The following RNF125 variants were observed in gnomAD, a reference collection of about 807,000 sequenced individuals.
The protein encoded by RNF125 is E3 ubiquitin-protein ligase RNF125.
A neutral mutation model predicts 26.0 loss-of-function variants in RNF125; 21 were observed. The observed-to-expected ratio is 0.81, with a 90% CI of 0.57 to 1.16. The LOEUF (loss-of-function observed/expected upper bound fraction) is 1.16. RNF125 is among the 50% of genes most tolerant of loss of function. RNF125 has a pLI of 0.00. For missense variants in RNF125, 270 were observed against 299.4 expected, an observed-to-expected ratio of 0.90 and a Z score of 0.72; for synonymous variants, 95 against 109.2, an observed-to-expected ratio of 0.87 and a Z score of 0.81.
intron 1 of RNF125, among the ~76,000 whole-genome samples, chr18:32,022,490 A>C (rs1037123359): frequency 5.9e-5 from 9 of 152,224 alleles, no homozygotes. Flanking sequence ...ATTAATGAGC[A>C]TATGGGCATG....
At position 32,072,042 on chromosome 18, in the gene RNF125, A is replaced by C. The variant is rs1473984792; in HGVS notation, c.*3658A>C. On this transcript the variant is annotated 3_prime_UTR_variant, in exon 6 of 6. Transcript: ENST00000217740. ...ATTTAAACAAAAACAAAAACAAACA[A>C]ACAAACAAACAAAAAGCTGGGCATG... 1 of 152,086 alleles carries C rather than the reference A, an allele frequency of 6.6e-6. No homozygotes were observed. Among genetic ancestry groups the C allele is most frequent in the Non-Finnish European group, 1.5e-5 (1 of 68,068 alleles). 9.4% of individuals were successfully genotyped at this position (152,086 alleles called of 1,614,324 possible).
intron 4 of RNF125, among the ~76,000 whole-genome samples, chr18:32,063,709 G>A (rs998755188): frequency 1.3e-5 from 2 of 152,096 alleles, no homozygotes; most frequent in African/African-American, 4.8e-5. Context: ...AGCAGACTGT[G>A]GGACATCCAT....
intron 4 of RNF125, among the ~76,000 whole-genome samples, chr18:32,060,988 C>T (rs990427979): frequency 1.4e-4 from 21 of 152,248 alleles, no homozygotes; most frequent in African/African-American, 3.8e-4. Flanking sequence ...AGTGAGATCC[C>T]GTTTCAAAAA....
At chr18:32,056,686 G>C (rs1457134420) in intron 4 of RNF125, among the ~76,000 whole-genome samples, 1 of 146,852 alleles carries the variant, frequency 6.8e-6, no homozygotes, top group African/African-American at 2.5e-5. Context: ...ATAAAAAAGA[G>C]CAAAACTCCA....
In RNF125 at chr18:32,020,002, CTGTGTGTGTGTG is replaced by C. The variant is rs149126113; in HGVS notation, c.164+995_164+1006del. Among the ~76,000 whole-genome samples, 20 of 150,008 alleles carry C rather than the reference CTGTGTGTGTGTG, an allele frequency of 1.3e-4. No homozygotes were observed. The East Asian group carries it at 3.4e-3, about 25-fold the overall frequency. The stretch of plus-strand genomic sequence containing the variant: ...GCTGTGAATTTGTGCTCTCTGTTTA[CTGTGTGTGTGTG>C]TGTGTGTGTGTGTGTGTGTTTGAGA... On this transcript the variant is annotated intron_variant, in intron 1 of 5. Coordinates refer to ENST00000217740, the MANE Select transcript of RNF125 (RefSeq NM_017831.4).
chr18:32,045,573 GAAA>G (rs201714997), intron 3 of RNF125, 66 bp from the exon 4 acceptor site: 1 of 916,854 alleles, frequency 1.1e-6, no homozygotes, highest in Non-Finnish European at 1.6e-6. Context: ...AAAAAAAAAA[GAAA>G]AAAAAAGTGA....
chr18:32,054,967 C>T (rs1188867139), intron 4 of RNF125, among the ~76,000 whole-genome samples: 1 of 151,878 alleles, frequency 6.6e-6, no homozygotes, highest in African/African-American at 2.4e-5. Flanking sequence ...TGAATTTGAG[C>T]TTCTATTATG....
chr18:32,050,865 C>CCT lies in RNF125; in HGVS notation c.504+5133_504+5134insCT, dbSNP rs1491509832. ...CCAGCTAGTCTCTCGGTCTAGAGTG[C>CCT]TTTTTTTTTTTTTTTTTTTTTTTTT... On this transcript the variant is annotated intron_variant, in intron 4 of 5. Coordinates refer to ENST00000217740, the MANE Select transcript of RNF125 (RefSeq NM_017831.4). Among the ~76,000 whole-genome samples the CCT allele has an allele frequency of 5.4e-4, 25 of 46,352 alleles. 1 individual carries two copies. Among genetic ancestry groups the CCT allele is most frequent in the East Asian group, 1.8e-3 (2 of 1,086 alleles). 30.4% of individuals were successfully genotyped at this position (46,352 alleles called of 152,430 possible). A position where few individuals can be genotyped will look rare whatever the true frequency, so the allele number is the denominator to read the frequency against.
At chr18:32,048,772 G>A (rs73954976) in intron 4 of RNF125, among the ~76,000 whole-genome samples, 2,113 of 152,304 alleles carry the variant, frequency 0.014, 42 homozygotes, top group African/African-American at 0.045. Flanking sequence ...GAGCAGAGCC[G>A]ATGGTCACGG....
chr18:32,028,497 T>A (rs1291402683), intron 1 of RNF125, among the ~76,000 whole-genome samples: 2 of 151,878 alleles, frequency 1.3e-5, no homozygotes, highest in African/African-American at 4.8e-5. Context: ...ACATGCAGCT[T>A]TTCAGGGTTT....
At chr18:32,030,889 TG>T (rs796203488) in intron 1 of RNF125, 5 of 152,168 alleles carry the variant, frequency 3.3e-5, no homozygotes, top group African/African-American at 9.6e-5. Context: ...TTTTTAGAGA[TG>T]GGGGTCTCAC....
the RNF125 span, among the ~76,000 whole-genome samples, chr18:32,084,421 T>C: frequency 1.3e-5 from 2 of 152,160 alleles, no homozygotes; most frequent in African/African-American, 4.8e-5. Context: ...TGTGAGTTGA[T>C]TTGTTGAAAT....
At chr18:32,051,320 T>G (rs1395853718) in intron 4 of RNF125, among the ~76,000 whole-genome samples, 1 of 151,894 alleles carries the variant, frequency 6.6e-6, no homozygotes, top group Non-Finnish European at 1.5e-5. Context: ...GGAAAAAAGA[T>G]AGTAAAGAAA....
At chr18:32,077,604 G>A (rs1027651033), downstream of RNF125, among the ~76,000 whole-genome samples, 8 of 151,388 alleles carry the variant, frequency 5.3e-5, no homozygotes, top group Non-Finnish European at 8.8e-5. Context: ...CAAGTGATCC[G>A]CCCACCTCGG....
intron 1 of RNF125, among the ~76,000 whole-genome samples, chr18:32,028,480 C>T (rs1206192325): frequency 6.6e-6 from 1 of 151,894 alleles, no homozygotes; most frequent in African/African-American, 2.4e-5. Flanking sequence ...CTTTTCTCTC[C>T]CCCACAACAT....
chr18:32,040,799 A>G (rs772656456), intron 2 of RNF125, among the ~76,000 whole-genome samples: 3 of 152,180 alleles, frequency 2.0e-5, no homozygotes, highest in Non-Finnish European at 4.4e-5. Flanking sequence ...AAAGAATACA[A>G]ATAGAAATTT....
chr18:32,066,176 G>A (rs1297345334), intron 5 of RNF125, 167 bp downstream of exon 5: 2 of 498,386 alleles, frequency 4.0e-6, no homozygotes, highest in Non-Finnish European at 7.2e-6. Flanking sequence ...TTGGCCTGGT[G>A]CAGTGGCTCA....
intron 1 of RNF125, among the ~76,000 whole-genome samples, chr18:32,024,154 C>T (rs1310065159): frequency 1.4e-5 from 2 of 145,466 alleles, no homozygotes; most frequent in African/African-American, 2.6e-5. Flanking sequence ...AGACACAATT[C>T]GTTTTCCATT....
intron 3 of RNF125, among the ~76,000 whole-genome samples, chr18:32,043,863 G>A (rs2039242780): frequency 6.6e-6 from 1 of 152,098 alleles, no homozygotes; most frequent in Non-Finnish European, 1.5e-5. Flanking sequence ...CTTACACCTA[G>A]AGTTTGTCCA....
Sources: gnomAD v4.1 joint callset for allele counts (sites outside exome capture counted in the v4.1 genomes callset) on GRCh38, gnomAD v4.1.1 for gene constraint, MANE v1.5 for transcripts, NCBI Gene and HGNC (gene_info 2026-07-23, HGNC 2026-07-21) for gene names.